IDUA: variants seen among roughly 807,000 people sequenced by gnomAD.
IDUA encodes the protein iduronidase alpha-L-.
A neutral mutation model predicts 68.9 loss-of-function variants in IDUA; 65 were observed. The observed-to-expected ratio is 0.94, with a 90% confidence interval of 0.77 to 1.16. The LOEUF is 1.16. Ranked by LOEUF, IDUA falls within the 50% of genes most tolerant of loss-of-function variation. IDUA has a pLI of 0.00. For synonymous variants in IDUA, 529 were observed against 433.6 expected (o/e 1.22, Z -2.73); for missense variants, 1,046 against 938.0 (o/e 1.12, Z -1.50).
At position 1,002,836 on chromosome 4, in the gene IDUA, G is replaced by A. The variant is rs1485492553; in HGVS notation, c.1294G>A (p.Asp432Asn). The change falls in exon 9 of 14, where the codon GAC becomes AAC. Residue 432 changes from aspartate (D) to asparagine (N), a missense_variant. Transcript: ENST00000514224. ...CGCCCACCGCCCCCAGGGCCCGGCCGACGCCTGGCGCGCCGCGGTGCTGAT... is the reference window on the plus strand; with the variant it reads ...CGCCCACCGCCCCCAGGGCCCGGCCAACGCCTGGCGCGCCGCGGTGCTGAT... ...ASAHRPQGPA[D>N]AWRAAVLIYA... 2.1e-6 allele frequency: 3 copies of A among 1,454,032 alleles called. No homozygotes were observed. The highest frequency in any genetic ancestry group is 2.6e-5 in the Admixed American group (1 of 38,504). 90.1% of individuals were successfully genotyped at this position (1,454,032 alleles called of 1,614,324 possible). A position where few individuals can be genotyped will look rare whatever the true frequency, so the allele number is the denominator to read the frequency against.
At position 989,117 on chromosome 4, in the gene IDUA, C is replaced by T. The variant is rs764924643; in HGVS notation, c.299+1168C>T. Reference sequence around the variant, plus strand: ...CAGTCGATGACCACTGTGTGGAAGCCGGCCGCTGCGGGCACCAGCGCAGCC... The same window carrying T: ...CAGTCGATGACCACTGTGTGGAAGCTGGCCGCTGCGGGCACCAGCGCAGCC... On this transcript the variant is annotated intron_variant, in intron 2 of 13. Transcript: ENST00000514224. 78 of 1,605,188 alleles carry T rather than the reference C, an allele frequency of 4.9e-5. No homozygotes were observed. The highest frequency in any genetic ancestry group is 4.5e-5 in the East Asian group (2 of 44,454).
At position 1,004,085 on chromosome 4, in the gene IDUA, A is replaced by T; in HGVS notation, c.1801A>T (p.Thr601Ser). 6.2e-7 allele frequency: 1 copy of T among 1,612,134 alleles called. No homozygotes were observed. The highest frequency in any genetic ancestry group is 1.3e-5 in the African/African-American group (1 of 74,442). Residue 601 changes from threonine to serine, a missense_variant, in exon 13 of 14, where the codon ACC becomes TCC. By Grantham distance (58) the Thr-to-Ser change is moderately conservative. Transcript: ENST00000514224. This position sits in a 1 kb window ranked among gnomAD's most constrained non-coding sequence, Gnocchi z 5.0. Reference protein sequence around the residue: ...AYTPVSRKPSTFNLFVFSPDT... With the variant: ...AYTPVSRKPSSFNLFVFSPDT... ...CACCCCGGTCAGCAGGAAGCCATCG[A>T]CCTTCAACCTCTTTGTGTTCAGCCC...
intron 2 of IDUA, among the ~76,000 whole-genome samples, chr4:998,465 C>T (rs565612999): frequency 1.3e-5 from 2 of 152,288 alleles, no homozygotes; most frequent in South Asian, 4.1e-4. Context: ...AGCCAGCTGC[C>T]ACAGGAGGTG....
rs1577538088 is a variant in IDUA at position 1,000,979 on chromosome 4, G to A, written c.483G>A (p.Arg161=). 6.2e-7 allele frequency: 1 copy of A among 1,612,004 alleles called. No individual in the cohort carries two copies. Among genetic ancestry groups the A allele is most frequent in the African/African-American group, 1.3e-5 (1 of 75,044 alleles). The part of the protein sequence containing the change: ...EWKDLVSSLA[R]RYIGRYGLAH... The stretch of plus-strand genomic sequence containing the variant: ...AGGACTTGGTCTCCAGCCTGGCCAG[G>A]AGATACATCGGTGGGCGAGCGCAGG... Residue 161 remains arginine (R), a synonymous_variant, in exon 4 of 14, where the codon AGG becomes AGA. Transcript: ENST00000514224.
intron 12 of IDUA, 77 bp downstream of exon 12, chr4:1,003,702 T>C (rs1008792637): frequency 2.0e-6 from 3 of 1,516,124 alleles, no homozygotes; most frequent in South Asian, 2.3e-5. Flanking sequence ...ACCCATGCGG[T>C]CACTCGGGCC....
At chr4:996,371 G>T (rs1430630478) in intron 2 of IDUA, among the ~76,000 whole-genome samples, 1 of 152,202 alleles carries the variant, frequency 6.6e-6, no homozygotes, top group African/African-American at 2.4e-5. Flanking sequence ...AAGGAGGCAG[G>T]GAGGACCTGG....
Position 1,003,120 on chromosome 4 carries a change from C to T in IDUA, c.1487C>T (p.Pro496Leu), listed in dbSNP as rs772416503. ...EWRRLGRPVF[P>L]TAEQFRRMRA... The stretch of plus-strand genomic sequence containing the variant: ...CGGCGCCTGGGCCGGCCCGTCTTCC[C>T]CACGGCAGAGCAGTTCCGGCGCATG... The change falls in exon 10 of 14, where the codon CCC becomes CTC. Residue 496 changes from proline to leucine, a missense_variant. By Grantham distance (98) the Pro-to-Leu change is moderately conservative. Transcript: ENST00000514224. The T allele has an allele frequency of 8.6e-6, 13 of 1,511,094 alleles. No individual in the cohort carries two copies. The highest frequency in any genetic ancestry group is 1.2e-5 in the South Asian group (1 of 80,558). 93.6% of individuals were successfully genotyped at this position (1,511,094 alleles called of 1,614,324 possible).
In IDUA at chr4:1,001,728, C is replaced by T. The variant is rs1383674405; in HGVS notation, c.639C>T (p.Ser213=). Residue 213 remains serine, a synonymous_variant, in exon 6 of 14, where the codon AGC becomes AGT. Coordinates refer to ENST00000514224, the MANE Select transcript of IDUA (RefSeq NM_000203.5). Reference sequence around the variant, plus strand: ...GCTCGGAGGGTCTGCGCGCCGCCAGCCCCGCCCTGCGGCTGGGAGGCCCCG... The same window carrying T: ...GCTCGGAGGGTCTGCGCGCCGCCAGTCCCGCCCTGCGGCTGGGAGGCCCCG... ...DACSEGLRAA[S]PALRLGGPGD... is the part of the protein sequence containing the mutation. 2 of 1,599,438 alleles carry T rather than the reference C, an allele frequency of 1.3e-6. No individual in the cohort carries two copies. Among genetic ancestry groups the T allele is most frequent in the African/African-American group, 1.3e-5 (1 of 74,848 alleles).
At position 1,001,973 on chromosome 4, in the gene IDUA, C is replaced by T. The variant is rs375798875; in HGVS notation, c.793-9C>T. 4.4e-4 allele frequency: 689 copies of T among 1,577,302 alleles called. No individual in the cohort carries two copies. The highest frequency in any genetic ancestry group is 5.1e-4 in the Non-Finnish European group (598 of 1,163,252). Reference sequence around the variant, plus strand: ...GACCCTGGTGGTGCTGAGGCGGCCCCGCCCGCAGGGTGCGCGCAGCTCCAT... The same window carrying T: ...GACCCTGGTGGTGCTGAGGCGGCCCTGCCCGCAGGGTGCGCGCAGCTCCAT... On this transcript the variant is annotated splice_polypyrimidine_tract_variant and intron_variant, in intron 6 of 13. Transcript: ENST00000514224.
rs1355304778 is a variant in IDUA, at chr4:1,001,761, C to T, written c.672C>T (p.Ser224=). 1.4e-5 allele frequency: 23 copies of T among 1,599,844 alleles called. No homozygotes were observed. The highest frequency in any genetic ancestry group is 2.0e-5 in the Non-Finnish European group (23 of 1,177,590). The part of the protein sequence containing the change: ...PALRLGGPGD[S]FHTPPRSPLS... ...TGCGGCTGGGAGGCCCCGGCGACTC[C>T]TTCCACACCCCACCGCGATCCCCGC... The change falls in exon 6 of 14, where the codon TCC becomes TCT. Residue 224 remains serine, a synonymous_variant. Transcript: ENST00000514224.
intron 2 of IDUA, among the ~76,000 whole-genome samples, chr4:996,587 G>A (rs1044726755): frequency 1.6e-4 from 24 of 152,332 alleles, no homozygotes; most frequent in African/African-American, 4.3e-4. Flanking sequence ...AGCCTCAGCC[G>A]CACTGCAGGG....
chr4:989,658 C>A lies in IDUA; in HGVS notation c.299+1709C>A. 3 of 1,578,002 alleles carry A rather than the reference C, an allele frequency of 1.9e-6. No individual in the cohort carries two copies. In the South Asian group the frequency reaches 3.5e-5, roughly 18 times the overall value. ...CGTGGAACAGCGGTGCCAGCGCCAG[C>A]AGCACCAGCAGCACCACGGTGGCGC... On this transcript the variant is annotated intron_variant, in intron 2 of 13. Coordinates refer to ENST00000514224, the MANE Select transcript of IDUA (RefSeq NM_000203.5).
At chr4:991,946 A>T in intron 2 of IDUA, 1 of 856,238 alleles carries the variant, frequency 1.2e-6, no homozygotes. Flanking sequence ...GTGAGGTGAG[A>T]TGGGATTACG....
chr4:1,001,230 G>A (rs1715053293), intron 4 of IDUA: 2 of 622,844 alleles, frequency 3.2e-6, no homozygotes, highest in South Asian at 1.9e-5. Flanking sequence ...TGGGGTGGGG[G>A]GTACTCCTGG....
intron 4 of IDUA, 64 bp downstream of exon 4, chr4:1,001,053 C>T: frequency 8.8e-7 from 1 of 1,132,482 alleles, no homozygotes. Context: ...GGTTGCACCC[C>T]TATCACGCAG....
chr4:1,001,141 T>G (rs1715047371), intron 4 of IDUA, 152 bp downstream of exon 4: 5 of 593,856 alleles, frequency 8.4e-6, no homozygotes, highest in Non-Finnish European at 1.5e-5. Flanking sequence ...AGGGATAGGT[T>G]GGTGGTCGGC....
chr4:1,002,645 G>C, intron 8 of IDUA, 87 bp from the exon 9 acceptor site: 1 of 1,194,086 alleles, frequency 8.4e-7, no homozygotes, highest in Non-Finnish European at 1.1e-6. Context: ...CAAGGGGAGG[G>C]GGAGCGAGTG....
rs35935555 is a variant in IDUA at position 989,262 on chromosome 4, G to A, written c.299+1313G>A. On this transcript the variant is annotated intron_variant, in intron 2 of 13. Transcript: ENST00000514224. ...ACCCTGCGTCCAGCCCCGTGAGGCT[G>A]TAGAGTGACTGCAGGAAGAAGTCCT... 6.7e-4 allele frequency: 1,081 copies of A among 1,612,656 alleles called. 9 individuals are homozygous for A. The African/African-American group carries it at 0.013, about 19-fold the overall frequency.
chr4:1,001,319 C>A, intron 4 of IDUA, 149 bp from the exon 5 acceptor site: 1 of 773,328 alleles, frequency 1.3e-6, no homozygotes, highest in Admixed American at 1.9e-5. Flanking sequence ...CTTGAGCCAG[C>A]GCTTCCTGAT....
Sources: allele counts gnomAD v4.1 joint callset (sites outside exome capture counted in the v4.1 genomes callset), GRCh38; gene constraint gnomAD v4.1.1; non-coding constraint Gnocchi (gnomAD v3.1); transcripts MANE v1.5; gene names NCBI Gene and HGNC (gene_info 2026-07-23, HGNC 2026-07-21).